TMEM120B: variants seen among roughly 807,000 people sequenced by gnomAD.
The protein encoded by TMEM120B is transmembrane protein 120B.
In TMEM120B, 31 loss-of-function variants were observed where a neutral mutation model predicts 55.5. The ratio of observed to expected loss-of-function variants is 0.56; its 90% CI spans 0.42 to 0.75. TMEM120B has a LOEUF of 0.75. Among genes scored for constraint, TMEM120B ranks in the 30% least tolerant of loss-of-function variants. The probability of loss-of-function intolerance (pLI) is 0.00; values close to 1 mark genes in which losing one functional copy is unlikely to be tolerated. For synonymous variants in TMEM120B, 203 were observed against 176.3 expected, an observed-to-expected ratio of 1.15 and a Z score of -1.20; for missense variants, 399 against 425.5, an observed-to-expected ratio of 0.94 and a Z score of 0.55.
intron 4 of TMEM120B, among the ~76,000 whole-genome samples, chr12:121,751,208 A>C (rs1592938680): frequency 3.8e-5 from 2 of 52,526 alleles, no homozygotes; most frequent in Admixed American, 2.4e-4. Flanking sequence ...ACCTATACTC[A>C]CACCCCACAC....
chr12:121,768,487 T>C (rs1479467297), intron 6 of TMEM120B, among the ~76,000 whole-genome samples: 3 of 152,126 alleles, frequency 2.0e-5, no homozygotes, highest in Non-Finnish European at 4.4e-5. Flanking sequence ...GTTCTTACGA[T>C]GTGCGTATGC....
At chr12:121,759,064 CAG>C (rs1592942495) in intron 5 of TMEM120B, 5 of 977,734 alleles carry the variant, frequency 5.1e-6, no homozygotes, top group Non-Finnish European at 6.1e-6. Context: ...TAAGGGGACA[CAG>C]GGAGTTTATA....
rs575283310 is a variant in TMEM120B at position 121,734,424 on chromosome 12, A to C, written c.70-9205A>C. 3.3e-5 allele frequency among the ~76,000 whole-genome samples: 5 copies of C among 151,524 alleles called. No individual in the cohort carries two copies. The South Asian group carries it at 1.0e-3, about 32-fold the overall frequency. ...CAGGCATGAACCACCATGCCTGGCT[A>C]ATTTTGTACTTTTAGTAGAGATGGG... On this transcript the variant is annotated intron_variant, in intron 1 of 11. Transcript: ENST00000449592.
intron 2 of TMEM120B, 62 bp from the exon 3 acceptor site, chr12:121,748,264 G>GTCCATAGCCCTCC: frequency 7.4e-7 from 1 of 1,349,932 alleles, no homozygotes; most frequent in Non-Finnish European, 1.1e-6. Context: ...GGCCCGGGGA[G>GTCCATAGCCCTCC]TCCATAGCCC....
At chr12:121,725,186 G>T (rs927835662) in intron 1 of TMEM120B, among the ~76,000 whole-genome samples, 4 of 152,148 alleles carry the variant, frequency 2.6e-5, no homozygotes. Context: ...CAGCTGGGGA[G>T]CTGGGGTTTG....
At chr12:121,772,215 G>A (rs376667698) in intron 8 of TMEM120B, among the ~76,000 whole-genome samples, 2 of 149,316 alleles carry the variant, frequency 1.3e-5, no homozygotes, top group Admixed American at 6.7e-5. Flanking sequence ...TGCAACCTCC[G>A]CCTCCTGGGT....
chr12:121,719,507 G>A (rs1336218556), intron 1 of TMEM120B, among the ~76,000 whole-genome samples: 1 of 152,180 alleles, frequency 6.6e-6, no homozygotes, highest in Non-Finnish European at 1.5e-5. Context: ...GATTACCTAA[G>A]TTCAGGAAGT....
intron 6 of TMEM120B, among the ~76,000 whole-genome samples, chr12:121,764,285 G>T (rs183231254): frequency 1.3e-5 from 2 of 150,054 alleles, no homozygotes; most frequent in Non-Finnish European, 3.0e-5. Flanking sequence ...ACTTTGGGAG[G>T]CCAAGGCGGT....
At chr12:121,716,967 G>A (rs951000210) in intron 1 of TMEM120B, among the ~76,000 whole-genome samples, 6 of 152,172 alleles carry the variant, frequency 3.9e-5, no homozygotes, top group South Asian at 4.1e-4. Flanking sequence ...AAAACCCAAT[G>A]TAATCTCTGG....
intron 6 of TMEM120B, among the ~76,000 whole-genome samples, chr12:121,769,189 C>T (rs1873947538): frequency 6.7e-6 from 1 of 149,928 alleles, no homozygotes; most frequent in Non-Finnish European, 1.5e-5. Flanking sequence ...AAAAACCCAG[C>T]TGGGGGAGTG....
chr12:121,771,417 G>A, intron 7 of TMEM120B, 71 bp from the exon 8 acceptor site: 1 of 1,323,838 alleles, frequency 7.6e-7, no homozygotes, highest in Non-Finnish European at 1.1e-6. Flanking sequence ...GGTTGGAATG[G>A]AGTTGGGGCG....
intron 1 of TMEM120B, among the ~76,000 whole-genome samples, chr12:121,714,042 A>T (rs930575028): frequency 3.9e-5 from 6 of 152,032 alleles, no homozygotes; most frequent in Non-Finnish European, 8.8e-5. Flanking sequence ...GTGGTTGTAG[A>T]TTCTGATCAA....
chr12:121,718,189 A>G (rs891013224), intron 1 of TMEM120B, among the ~76,000 whole-genome samples: 6 of 152,220 alleles, frequency 3.9e-5, no homozygotes, highest in Non-Finnish European at 7.3e-5. Context: ...TTTAATCTAA[A>G]TATCAACCCA....
At chr12:121,741,173 G>A (rs1872924215) in intron 1 of TMEM120B, among the ~76,000 whole-genome samples, 1 of 152,032 alleles carries the variant, frequency 6.6e-6, no homozygotes, top group Non-Finnish European at 1.5e-5. Context: ...GTTTACGAAT[G>A]CCTGCTTGAT....
At chr12:121,765,133 T>TTTC (rs1555332583) in intron 6 of TMEM120B, among the ~76,000 whole-genome samples, 45 of 124,544 alleles carry the variant, frequency 3.6e-4, no homozygotes, top group African/African-American at 1.7e-3. Context: ...TTCTTTCTTT[T>TTTC]TTTTTTTTTT....
In TMEM120B at chr12:121,771,542, T is replaced by G; in HGVS notation, c.672T>G (p.Ile224Met). The change falls in exon 8 of 12, where the codon ATT becomes ATG. Residue 224 changes from isoleucine (I) to methionine (M), a missense_variant. Ile to Met is a conservative substitution (Grantham distance 10). Transcript: ENST00000449592. ...KFRNQFLAFSIFQSCVQFLQY... is the reference protein window; with the variant it reads ...KFRNQFLAFSMFQSCVQFLQY... ...GCAACCAGTTCTTAGCATTTTCCAT[T>G]TTTCAGAGTGAGTGACTGTTGCCTG... 1 of 1,613,966 alleles carries G rather than the reference T, an allele frequency of 6.2e-7. No individual in the cohort carries two copies. Among genetic ancestry groups the G allele is most frequent in the Non-Finnish European group, 8.5e-7 (1 of 1,179,908 alleles).
intron 6 of TMEM120B, among the ~76,000 whole-genome samples, chr12:121,766,160 C>G (rs1029076896): frequency 3.3e-5 from 5 of 152,032 alleles, no homozygotes; most frequent in Non-Finnish European, 7.4e-5. Flanking sequence ...CTGGCTGCAC[C>G]TGAGATTTGA....
At chr12:121,770,734 G>A (rs1271489946) in intron 6 of TMEM120B, among the ~76,000 whole-genome samples, 173 bp from the exon 7 acceptor site, 1 of 152,118 alleles carries the variant, frequency 6.6e-6, no homozygotes, top group Non-Finnish European at 1.5e-5. Flanking sequence ...GTGGGATGGT[G>A]CAGCCCTGTG....
At chr12:121,773,778 A>ACACACACACACAC (rs1874143112) in intron 9 of TMEM120B, among the ~76,000 whole-genome samples, 1 of 152,024 alleles carries the variant, frequency 6.6e-6, no homozygotes, top group African/African-American at 2.4e-5. Context: ...ACACACACAC[A>ACACACACACACAC]AATTAGCCAT....
Sources: gnomAD v4.1 joint callset for allele counts (sites outside exome capture counted in the v4.1 genomes callset) on GRCh38, gnomAD v4.1.1 for gene constraint, MANE v1.5 for transcripts, NCBI Gene and HGNC (gene_info 2026-07-23, HGNC 2026-07-21) for gene names.